Variants in LMX1B observed in about 807,000 individuals in gnomAD.
The protein encoded by LMX1B is LIM homeobox transcription factor 1-beta.
Under a neutral mutation model 51.4 loss-of-function variants are expected in LMX1B, and 12 were observed. That is an observed-to-expected ratio of 0.23 (90% CI 0.15 to 0.38). The LOEUF (loss-of-function observed/expected upper bound fraction) is 0.38. Ranked by LOEUF, LMX1B falls within the 10% of genes least tolerant of loss-of-function variation. LMX1B has a pLI of 1.00. For missense variants in LMX1B, 445 were observed against 571.1 expected (o/e 0.78, Z 2.25); for synonymous variants, 237 against 235.4 (o/e 1.01, Z -0.06).
intron 2 of LMX1B, among the ~76,000 whole-genome samples, chr9:126,667,727 T>C (rs1836370169): frequency 6.6e-6 from 1 of 152,170 alleles, no homozygotes; most frequent in South Asian, 2.1e-4. Flanking sequence ...CCCACAGGTC[T>C]CTGGGGAGAG....
At chr9:126,665,028 A>ACCGT (rs1836316827) in intron 2 of LMX1B, among the ~76,000 whole-genome samples, 1 of 152,242 alleles carries the variant, frequency 6.6e-6, no homozygotes, top group Admixed American at 6.5e-5. Flanking sequence ...GGATGCCTGT[A>ACCGT]CCGTCCTTAG....
At chr9:126,635,475 C>CT (rs1835697822) in intron 2 of LMX1B, among the ~76,000 whole-genome samples, 2 of 152,238 alleles carry the variant, frequency 1.3e-5, no homozygotes. Flanking sequence ...AGCCCAGCCA[C>CT]GCTGATGATT....
intron 2 of LMX1B, among the ~76,000 whole-genome samples, chr9:126,681,758 G>C (rs552239334): frequency 1.3e-5 from 2 of 152,046 alleles, no homozygotes; most frequent in African/African-American, 4.8e-5. Context: ...AAAATTAGCC[G>C]AGTGTGGTGG....
chr9:126,692,540 C>T (rs2030167684), intron 3 of LMX1B, among the ~76,000 whole-genome samples: 1 of 152,228 alleles, frequency 6.6e-6, no homozygotes, highest in Admixed American at 6.5e-5. Context: ...TGCCCGTGAG[C>T]ATGGGCCCAT....
Position 126,626,609 on chromosome 9 carries a change from G to A in LMX1B, c.326+11040G>A, listed in dbSNP as rs575362997. Among the ~76,000 whole-genome samples the A allele has an allele frequency of 6.6e-6, 1 of 152,162 alleles. No individual in the cohort carries two copies. The highest frequency in any genetic ancestry group is 6.5e-5 in the Admixed American group (1 of 15,288). ...CGGCCCTTCCTTCCAGGTCAGGGGT[G>A]GGGGAGAGACTTTCTCCCTCGAAAC... On this transcript the variant is annotated intron_variant, in intron 2 of 7. Coordinates refer to ENST00000373474, the MANE Select transcript of LMX1B (RefSeq NM_001174147.2). The surrounding 1 kb of genome is among the most constrained non-coding windows in gnomAD (Gnocchi z 4.3).
At chr9:126,694,820 A>G (rs1278668581) in intron 6 of LMX1B, among the ~76,000 whole-genome samples, 2 of 152,010 alleles carry the variant, frequency 1.3e-5, no homozygotes, top group Non-Finnish European at 2.9e-5. Flanking sequence ...GTCCTGGGCT[A>G]TGTCTCACCC....
At position 126,658,614 on chromosome 9, in the gene LMX1B, C is replaced by T. The variant is rs375173671; in HGVS notation, c.327-32222C>T. On this transcript the variant is annotated intron_variant, in intron 2 of 7. Coordinates refer to ENST00000373474, the MANE Select transcript of LMX1B (RefSeq NM_001174147.2). The surrounding 1 kb of genome is among the most constrained non-coding windows in gnomAD (Gnocchi z 4.0). ...AGTAACCAATTTAAAGGCAGGCGGC[C>T]GCACCCGGCAGCGTTATTACCTTGT... is the stretch of plus-strand genomic sequence containing the variant. 2.0e-5 allele frequency among the ~76,000 whole-genome samples: 3 copies of T among 152,194 alleles called. No homozygotes were observed. The highest frequency in any genetic ancestry group is 1.9e-4 in the East Asian group (1 of 5,202).
At chr9:126,690,099 G>C (rs1408397123) in intron 2 of LMX1B, among the ~76,000 whole-genome samples, 1 of 149,628 alleles carries the variant, frequency 6.7e-6, no homozygotes. Flanking sequence ...ACTGCAGGCT[G>C]TTCTTTGGGG....
At chr9:126,662,766 T>G (rs1401902656) in intron 2 of LMX1B, among the ~76,000 whole-genome samples, 1 of 152,226 alleles carries the variant, frequency 6.6e-6, no homozygotes, top group Non-Finnish European at 1.5e-5. Flanking sequence ...CGGCCACCGC[T>G]GCCGGGATTC....
At chr9:126,645,749 G>A (rs1296835174) in intron 2 of LMX1B, among the ~76,000 whole-genome samples, 3 of 152,158 alleles carry the variant, frequency 2.0e-5, no homozygotes, top group East Asian at 3.9e-4. Context: ...GAGGAAGTGG[G>A]CTTTGTCCTC....
intron 2 of LMX1B, among the ~76,000 whole-genome samples, chr9:126,686,197 G>A (rs1008758311): frequency 4.7e-5 from 7 of 149,572 alleles, no homozygotes; most frequent in African/African-American, 1.5e-4. Context: ...GGAGAACAGC[G>A]TGAACCCAGG....
At chr9:126,688,403 G>T (rs2029988093) in intron 2 of LMX1B, among the ~76,000 whole-genome samples, 1 of 152,186 alleles carries the variant, frequency 6.6e-6, no homozygotes, top group Non-Finnish European at 1.5e-5. Flanking sequence ...CCCTGGGACC[G>T]TGGCGCTCCC....
chr9:126,651,420 G>A (rs1036013248), intron 2 of LMX1B, among the ~76,000 whole-genome samples: 1 of 152,036 alleles, frequency 6.6e-6, no homozygotes, highest in Admixed American at 6.5e-5. Flanking sequence ...ACAGGGGGCG[G>A]GGGTCAGCCC....
intron 2 of LMX1B, among the ~76,000 whole-genome samples, chr9:126,655,384 G>C (rs1836096101): frequency 6.6e-6 from 1 of 152,128 alleles, no homozygotes; most frequent in Admixed American, 6.5e-5. Flanking sequence ...GTGGGGGTGA[G>C]GGAGCTGGCC....
intron 2 of LMX1B, among the ~76,000 whole-genome samples, chr9:126,645,802 G>A (rs542050855): frequency 1.5e-3 from 231 of 152,246 alleles, no homozygotes; most frequent in Non-Finnish European, 2.7e-3. Flanking sequence ...GTTGACTCTC[G>A]AGTCCAAAGG....
At position 126,614,559 on chromosome 9, in the gene LMX1B, C is replaced by T. The variant is rs1405227289; in HGVS notation, c.110C>T (p.Pro37Leu). The T allele has an allele frequency of 6.4e-7, 1 of 1,567,448 alleles. No individual in the cohort carries two copies. Among genetic ancestry groups the T allele is most frequent in the Non-Finnish European group, 8.6e-7 (1 of 1,158,834 alleles). The stretch of plus-strand genomic sequence containing the variant: ...AAGATGGAGGAGCACGCCCTGCGCC[C>T]CGGGCCCGCCACTCTGGGGGTGCTG... ...GIKMEEHALRPGPATLGVLLG... is the reference protein window; with the variant it reads ...GIKMEEHALRLGPATLGVLLG... Residue 37 changes from proline (P) to leucine (L), a missense_variant, in exon 1 of 8, where the codon CCC becomes CTC. This residue lies in a region of LMX1B where 273 missense variants were observed against 343.3 expected (regional missense o/e 0.80). Transcript: ENST00000373474.
chr9:126,670,790 A>C (rs1836434394), intron 2 of LMX1B, among the ~76,000 whole-genome samples: 1 of 152,196 alleles, frequency 6.6e-6, no homozygotes, highest in Admixed American at 6.5e-5. Flanking sequence ...GTCCTCAAAT[A>C]ACGTTTCCAT....
intron 2 of LMX1B, among the ~76,000 whole-genome samples, chr9:126,623,389 C>T (rs961690451): frequency 3.9e-5 from 6 of 152,168 alleles, no homozygotes. Flanking sequence ...AGGGAGGCAG[C>T]CTGCAGTAGT....
chr9:126,682,271 C>G (rs897611175), intron 2 of LMX1B, among the ~76,000 whole-genome samples: 3 of 151,830 alleles, frequency 2.0e-5, no homozygotes, highest in Non-Finnish European at 4.4e-5. Flanking sequence ...CAAGGAGCCA[C>G]TTCCCCCGAT....
Sources: gnomAD v4.1 joint callset for allele counts (sites outside exome capture counted in the v4.1 genomes callset) on GRCh38, gnomAD v4.1.1 for gene constraint, gnomAD v4.1.1 regional missense constraint, Gnocchi (gnomAD v3.1) non-coding constraint, MANE v1.5 for transcripts, NCBI Gene and HGNC (gene_info 2026-07-23, HGNC 2026-07-21) for gene names.